The following OSBPL10 variants were observed in gnomAD, a reference collection of about 807,000 sequenced individuals.
The protein encoded by OSBPL10 is oxysterol-binding protein-related protein 10.
Under a neutral mutation model 81.7 loss-of-function variants are expected in OSBPL10, and 49 were observed. The observed-to-expected ratio is 0.60, with a 90% confidence interval of 0.48 to 0.76. OSBPL10 has a LOEUF of 0.76. Ranked by LOEUF, OSBPL10 falls within the 30% of genes least tolerant of loss-of-function variation. The probability of loss-of-function intolerance (pLI) is 0.00; values close to 1 mark genes in which losing one functional copy is unlikely to be tolerated. For synonymous variants in OSBPL10, 419 were observed against 383.6 expected (o/e 1.09, Z -1.08); for missense variants, 923 against 987.8 (o/e 0.93, Z 0.88).
At chr3:31,668,934 G>A in intron 9 of OSBPL10, 110 bp from the exon 10 acceptor site, 1 of 1,013,490 alleles carries the variant, frequency 9.9e-7, no homozygotes, top group Non-Finnish European at 1.4e-6. Flanking sequence ...ATGGGAAGGA[G>A]GGATTGTTTT....
rs1044290069 is a variant in OSBPL10, at chr3:31,663,314, T to C, written c.2250+765A>G. 16 of 985,358 alleles carry C rather than the reference T, an allele frequency of 1.6e-5. No homozygotes were observed. In the African/African-American group the frequency reaches 2.4e-4, roughly 15 times the overall value. 61.0% of individuals were successfully genotyped at this position (985,358 alleles called of 1,614,324 possible). A position where few individuals can be genotyped will look rare whatever the true frequency, so the allele number is the denominator to read the frequency against. Reference sequence around the variant, plus strand: ...ACAACTAGACAATCTGTTTTATCACTGGAAGATGAGTGGCATCTGCCCCAG... The same window carrying C: ...ACAACTAGACAATCTGTTTTATCACCGGAAGATGAGTGGCATCTGCCCCAG... On this transcript the variant is annotated intron_variant, in intron 11 of 11. Coordinates refer to ENST00000396556, the MANE Select transcript of OSBPL10 (RefSeq NM_017784.5).
intron 6 of OSBPL10, chr3:31,721,778 T>C (rs1371849784): frequency 6.6e-6 from 1 of 152,196 alleles, no homozygotes; most frequent in East Asian, 1.9e-4. Flanking sequence ...ATAAGCTAGG[T>C]CGGCCAAAGA....
chr3:31,713,337 A>T (rs6809936), intron 6 of OSBPL10, among the ~76,000 whole-genome samples: 14 of 152,214 alleles, frequency 9.2e-5, no homozygotes, highest in Non-Finnish European at 1.5e-4. Context: ...CTGCTCTTAT[A>T]GGTCTTCTTC....
At chr3:32,076,668 G>C (rs554243630) in intron 1 of OSBPL10, among the ~76,000 whole-genome samples, 51 of 152,286 alleles carry the variant, frequency 3.3e-4, no homozygotes, top group Admixed American at 2.0e-3. Flanking sequence ...AGCCGGCTGT[G>C]CGGGAGACCA....
chr3:31,751,286 G>A (rs559574725), intron 4 of OSBPL10, among the ~76,000 whole-genome samples: 2 of 152,250 alleles, frequency 1.3e-5, no homozygotes, highest in East Asian at 3.9e-4. Context: ...GGGTGGGGCT[G>A]CAGTGATCTG....
intron 1 of OSBPL10, among the ~76,000 whole-genome samples, chr3:31,902,947 T>C (rs1696293529): frequency 6.6e-6 from 1 of 152,156 alleles, no homozygotes; most frequent in South Asian, 2.1e-4. Flanking sequence ...AGCTCAACAA[T>C]GCAGAAAGCT....
chr3:31,987,186 G>T (rs1408832161), intron 2 of OSBPL10, among the ~76,000 whole-genome samples: 1 of 151,826 alleles, frequency 6.6e-6, no homozygotes, highest in East Asian at 1.9e-4. Context: ...CTGCATAGTT[G>T]TATATCATTT....
At chr3:31,731,463 G>A (rs1472700546) in intron 6 of OSBPL10, among the ~76,000 whole-genome samples, 1 of 150,992 alleles carries the variant, frequency 6.6e-6, no homozygotes, top group Non-Finnish European at 1.5e-5. Flanking sequence ...TTTTAAAGTT[G>A]AACTTGGGAA....
At chr3:31,776,231 T>C (rs1279107311) in intron 4 of OSBPL10, among the ~76,000 whole-genome samples, 1 of 152,122 alleles carries the variant, frequency 6.6e-6, no homozygotes, top group Admixed American at 6.5e-5. Flanking sequence ...CCAACATCAT[T>C]ACTCATGAGG....
chr3:31,846,681 A>C (rs1700642371), intron 3 of OSBPL10, among the ~76,000 whole-genome samples: 1 of 151,980 alleles, frequency 6.6e-6, no homozygotes, highest in South Asian at 2.1e-4. Flanking sequence ...ATTGGGAACA[A>C]TTAATCTAGT....
chr3:31,993,164 C>CTTATTTTATTTTATTTTATTTTATT (rs143583788), intron 2 of OSBPL10, among the ~76,000 whole-genome samples: 15 of 129,032 alleles, frequency 1.2e-4, no homozygotes, highest in Non-Finnish European at 2.1e-4. Context: ...GTAAGAAAAC[C>CTTATTTTATTTTATTTTATTTTATT]TTATTTTATT....
intron 10 of OSBPL10, 56 bp downstream of exon 10, chr3:31,668,586 T>C (rs1700251615): frequency 4.8e-6 from 7 of 1,469,516 alleles, no homozygotes; most frequent in South Asian, 4.5e-5. Context: ...CTCTGTCCCT[T>C]GAGTCAGGTG....
chr3:31,723,392 T>G (rs1696713114), intron 6 of OSBPL10, among the ~76,000 whole-genome samples: 1 of 152,180 alleles, frequency 6.6e-6, no homozygotes, highest in Admixed American at 6.5e-5. Context: ...CCGGGGTGGC[T>G]GGGGACAGGA....
rs1380132989 is a variant in OSBPL10, at chr3:31,811,694, G to T, written c.729+18346C>A. On this transcript the variant is annotated intron_variant, in intron 4 of 11. Coordinates refer to ENST00000396556, the MANE Select transcript of OSBPL10 (RefSeq NM_017784.5). ...CCACAGTTGGTGTTTTTAAAAACAAGACCATTAAAAAAAAGAATATGCATA... is the reference window on the plus strand; with the variant it reads ...CCACAGTTGGTGTTTTTAAAAACAATACCATTAAAAAAAAGAATATGCATA... Among the ~76,000 whole-genome samples the T allele has an allele frequency of 2.0e-5, 3 of 152,094 alleles. No individual in the cohort carries two copies. The East Asian group carries it at 5.8e-4, about 29-fold the overall frequency.
At chr3:31,696,493 T>C (rs140317593) in intron 7 of OSBPL10, among the ~76,000 whole-genome samples, 1 of 152,242 alleles carries the variant, frequency 6.6e-6, no homozygotes. Flanking sequence ...CAAAGCCAAA[T>C]ACAATGGTCC....
At chr3:31,983,201 G>A (rs541574573), upstream of OSBPL10, among the ~76,000 whole-genome samples, 1 of 152,316 alleles carries the variant, frequency 6.6e-6, no homozygotes, top group Admixed American at 6.5e-5. Context: ...ATATATGAGT[G>A]TTCATTGAGT....
At position 31,815,953 on chromosome 3, in the gene OSBPL10, C is replaced by T. The variant is rs558018693; in HGVS notation, c.729+14087G>A. On this transcript the variant is annotated intron_variant, in intron 4 of 11. Coordinates refer to ENST00000396556, the MANE Select transcript of OSBPL10 (RefSeq NM_017784.5). The stretch of plus-strand genomic sequence containing the variant: ...CAGAACAGCCTTTCATGTCACTGAA[C>T]TGTGATAAAAAATAACTTGCCACTT... Among the ~76,000 whole-genome samples the T allele has an allele frequency of 3.3e-5, 5 of 152,338 alleles. No individual in the cohort carries two copies. The South Asian group carries it at 1.0e-3, about 32-fold the overall frequency.
At chr3:32,023,483 C>T (rs1322988745) in intron 2 of OSBPL10, among the ~76,000 whole-genome samples, 1 of 152,100 alleles carries the variant, frequency 6.6e-6, no homozygotes, top group African/African-American at 2.4e-5. Context: ...CCTTTATTAG[C>T]GGTGTGAAGA....
At chr3:31,865,574 G>A (rs1348224420) in intron 3 of OSBPL10, among the ~76,000 whole-genome samples, 2 of 152,140 alleles carry the variant, frequency 1.3e-5, no homozygotes, top group African/African-American at 2.4e-5. Flanking sequence ...ATTAGGAGGT[G>A]GGCCTTTGGG....
Sources: allele counts gnomAD v4.1 joint callset (sites outside exome capture counted in the v4.1 genomes callset), GRCh38; gene constraint gnomAD v4.1.1; transcripts MANE v1.5; gene names NCBI Gene and HGNC (gene_info 2026-07-23, HGNC 2026-07-21).